Variants in CDH20 observed in about 807,000 individuals in gnomAD.
CDH20 encodes the protein cadherin 20, also known as cadherin-20.
In CDH20, 29 loss-of-function variants were observed where a neutral mutation model predicts 74.2. The ratio of observed to expected loss-of-function variants is 0.39; its 90% CI spans 0.29 to 0.53. The LOEUF (loss-of-function observed/expected upper bound fraction) is 0.53, where lower values mean the gene tolerates loss of function less well. CDH20 is among the 20% of genes least tolerant of loss of function. The pLI is 0.69. For synonymous variants in CDH20, 469 were observed against 405.4 expected, an observed-to-expected ratio of 1.16 and a Z score of -1.88; for missense variants, 988 against 1,048.3, an observed-to-expected ratio of 0.94 and a Z score of 0.79.
chr18:61,429,963 T>C (rs1913200322), intron 1 of CDH20, among the ~76,000 whole-genome samples: 1 of 152,148 alleles, frequency 6.6e-6, no homozygotes, highest in African/African-American at 2.4e-5. Flanking sequence ...CACATATACA[T>C]GTAACTTCAA....
intron 2 of CDH20, among the ~76,000 whole-genome samples, chr18:61,495,112 C>CCCAAGATG (rs1377258175): frequency 1.3e-5 from 2 of 152,110 alleles, no homozygotes; most frequent in African/African-American, 4.8e-5. Flanking sequence ...AAAACATTTT[C>CCCAAGATG]CCAAGATGTA....
intron 1 of CDH20, among the ~76,000 whole-genome samples, chr18:61,483,015 T>C (rs1910639754): frequency 6.6e-6 from 1 of 152,262 alleles, no homozygotes; most frequent in Non-Finnish European, 1.5e-5. Context: ...ATCCTGCATC[T>C]GCACCATGGT....
At chr18:61,465,384 G>T (rs1393262640) in intron 1 of CDH20, among the ~76,000 whole-genome samples, 1 of 152,138 alleles carries the variant, frequency 6.6e-6, no homozygotes, top group Non-Finnish European at 1.5e-5. Context: ...ACAAAGAATG[G>T]CATGTTGGCT....
chr18:61,341,274 C>T (rs1463447407), intron 1 of CDH20, among the ~76,000 whole-genome samples: 1 of 152,188 alleles, frequency 6.6e-6, no homozygotes, highest in Non-Finnish European at 1.5e-5. Context: ...TGAGGGCCTT[C>T]TTCTGAGCTG....
intron 1 of CDH20, among the ~76,000 whole-genome samples, chr18:61,373,214 T>C (rs2144161330): frequency 6.6e-6 from 1 of 152,124 alleles, no homozygotes; most frequent in South Asian, 2.1e-4. Context: ...GGATTTTACT[T>C]TGTCTTCTTA....
intron 6 of CDH20, among the ~76,000 whole-genome samples, chr18:61,508,086 T>C (rs1417407136): frequency 6.6e-6 from 1 of 152,212 alleles, no homozygotes; most frequent in Non-Finnish European, 1.5e-5. Flanking sequence ...TTCCTTTGTT[T>C]TATAAGGTAC....
chr18:61,344,743 T>C lies in CDH20; in HGVS notation c.-153+10916T>C, dbSNP rs80342766. Among the ~76,000 whole-genome samples, 1,376 of 152,320 alleles carry C rather than the reference T, an allele frequency of 9.0e-3. 20 individuals carry two copies. The highest frequency in any genetic ancestry group is 0.032 in the African/African-American group (1,319 of 41,572). ...GGTAATGGCATTTCAGATGCTGTTCTATAAATTAGGGAATTAGAACCTAGG... is the reference window on the plus strand; with the variant it reads ...GGTAATGGCATTTCAGATGCTGTTCCATAAATTAGGGAATTAGAACCTAGG... On this transcript the variant is annotated intron_variant, in intron 1 of 11. Coordinates refer to ENST00000262717, the MANE Select transcript of CDH20 (RefSeq NM_031891.4).
At chr18:61,533,470 T>C (rs1194667249) in intron 7 of CDH20, among the ~76,000 whole-genome samples, 2 of 152,218 alleles carry the variant, frequency 1.3e-5, no homozygotes, top group African/African-American at 4.8e-5. Context: ...CTATTGTAAT[T>C]ACTGGTCTTT....
intron 1 of CDH20, among the ~76,000 whole-genome samples, chr18:61,378,873 C>T (rs1204025977): frequency 6.6e-6 from 1 of 152,028 alleles, no homozygotes; most frequent in Non-Finnish European, 1.5e-5. Flanking sequence ...ACACTCTAAG[C>T]ACAATTAATA....
intron 1 of CDH20, among the ~76,000 whole-genome samples, chr18:61,476,795 T>C (rs1241740619): frequency 6.6e-6 from 1 of 152,246 alleles, no homozygotes; most frequent in Non-Finnish European, 1.5e-5. Flanking sequence ...TCACTTTGCA[T>C]TAATGTATAC....
intron 6 of CDH20, among the ~76,000 whole-genome samples, chr18:61,521,085 G>A (rs942980442): frequency 2.6e-5 from 4 of 151,178 alleles, no homozygotes; most frequent in Admixed American, 2.6e-4. Flanking sequence ...GAGCAGAACT[G>A]AAGGAGATAG....
chr18:61,503,364 G>A (rs76400174), intron 5 of CDH20, among the ~76,000 whole-genome samples: 8,494 of 152,140 alleles, frequency 0.056, 261 homozygotes, highest in Middle Eastern at 0.12. Flanking sequence ...AATCTTTTTA[G>A]ACTTTCTTTC....
intron 1 of CDH20, among the ~76,000 whole-genome samples, chr18:61,441,810 A>T (rs1909042906): frequency 6.6e-6 from 1 of 152,130 alleles, no homozygotes; most frequent in Admixed American, 6.6e-5. Flanking sequence ...TTTAATTATA[A>T]TGTAGTTTTT....
intron 2 of CDH20, among the ~76,000 whole-genome samples, chr18:61,498,399 CAAAAAAAAAAAA>C (rs55721858): frequency 0.96 from 139,579 of 145,870 alleles, 66,941 homozygotes; most frequent in Middle Eastern, 0.98. Context: ...AACTCTGTCT[CAAAAAAAAAAAA>C]AAAAAAAAAA....
At chr18:61,486,027 T>C (rs1205026088) in intron 1 of CDH20, among the ~76,000 whole-genome samples, 1 of 152,066 alleles carries the variant, frequency 6.6e-6, no homozygotes, top group African/African-American at 2.4e-5. Flanking sequence ...GAGCTGAGAC[T>C]GCGCCACTGC....
chr18:61,384,398 T>C lies in CDH20; in HGVS notation c.-153+50571T>C, dbSNP rs185366312. On this transcript the variant is annotated intron_variant, in intron 1 of 11. Transcript: ENST00000262717. ...TCAATCTCAATTTTTGGAATAAATCTTCTGAAGGTAGAAAGAAATGCCTGC... is the reference window on the plus strand; with the variant it reads ...TCAATCTCAATTTTTGGAATAAATCCTCTGAAGGTAGAAAGAAATGCCTGC... 5.8e-3 allele frequency among the ~76,000 whole-genome samples: 888 copies of C among 152,264 alleles called. 6 individuals are homozygous for C. Among genetic ancestry groups the C allele is most frequent in the Non-Finnish European group, 0.01 (713 of 68,012 alleles).
chr18:61,550,343 T>G, intron 11 of CDH20, 114 bp downstream of exon 11: 2 of 1,293,724 alleles, frequency 1.5e-6, no homozygotes, highest in South Asian at 2.9e-5. Flanking sequence ...CCTTGCTTAC[T>G]CAAAAGGTGG....
intron 2 of CDH20, among the ~76,000 whole-genome samples, chr18:61,495,858 A>C (rs1366168488): frequency 6.6e-6 from 1 of 151,930 alleles, no homozygotes; most frequent in Admixed American, 6.5e-5. Context: ...TTCCCTGACT[A>C]CACCAAGAAC....
intron 1 of CDH20, among the ~76,000 whole-genome samples, chr18:61,435,566 A>T (rs547933349): frequency 6.6e-6 from 1 of 152,184 alleles, no homozygotes; most frequent in East Asian, 1.9e-4. Context: ...AGAACACACA[A>T]TATAGCCAGG....
Sources: allele counts gnomAD v4.1 joint callset (sites outside exome capture counted in the v4.1 genomes callset), GRCh38; gene constraint gnomAD v4.1.1; transcripts MANE v1.5; gene names NCBI Gene and HGNC (gene_info 2026-07-23, HGNC 2026-07-21).